Variants in TRHR observed in about 807,000 individuals in gnomAD.
The protein encoded by TRHR is thyrotropin-releasing hormone receptor.
Under a neutral mutation model 28.0 loss-of-function variants are expected in TRHR, and 14 were observed. The ratio of observed to expected loss-of-function variants is 0.50; its 90% CI spans 0.33 to 0.78. TRHR has a LOEUF of 0.78. Among genes scored for constraint, TRHR ranks in the 30% least tolerant of loss-of-function variants. The pLI, the probability that TRHR is intolerant of heterozygous loss-of-function variation, is 0.02. For missense variants in TRHR, 438 were observed against 469.5 expected, an observed-to-expected ratio of 0.93 and a Z score of 0.62; for synonymous variants, 176 against 171.9, an observed-to-expected ratio of 1.02 and a Z score of -0.18.
rs764391070 is a variant in TRHR, at chr8:109,087,504, C to G, written c.-9C>G. On this transcript the variant is annotated 5_prime_UTR_variant, in exon 2 of 3. Transcript: ENST00000518632. ...GTCAGTGTTTCCGAGAAACTTTAAG[C>G]TTCTAAAGATGGAAAACGAGACAGT... The G allele has an allele frequency of 6.2e-7, 1 of 1,614,112 alleles. No individual in the cohort carries two copies. Among genetic ancestry groups the G allele is most frequent in the Non-Finnish European group, 8.5e-7 (1 of 1,180,024 alleles).
chr8:109,116,162 A>G (rs1256074362), intron 2 of TRHR, among the ~76,000 whole-genome samples: 1 of 152,134 alleles, frequency 6.6e-6, no homozygotes, highest in Non-Finnish European at 1.5e-5. Context: ...CCACTTGATC[A>G]TGATGGATAA....
rs1586198036 is a variant in TRHR at position 109,119,099 on chromosome 8, C to T, written c.841C>T (p.Pro281Ser). 1 of 1,612,798 alleles carries T rather than the reference C, an allele frequency of 6.2e-7. No individual in the cohort carries two copies. ...AATTCTGTTTGCCCTTTTATGGATG[C>T]CCTACAGGACTCTAGTGGTTGTCAA... ...VVILFALLWM[P>S]YRTLVVVNSF... Residue 281 changes from proline (P) to serine (S), a missense_variant, in exon 3 of 3, where the codon CCC (proline) becomes TCC (serine). Coordinates refer to ENST00000518632, the MANE Select transcript of TRHR (RefSeq NM_003301.7).
At chr8:109,103,728 C>T (rs1811710609) in intron 2 of TRHR, among the ~76,000 whole-genome samples, 1 of 152,154 alleles carries the variant, frequency 6.6e-6, no homozygotes, top group Admixed American at 6.6e-5. Flanking sequence ...CTGATCATGG[C>T]TTTTAAGCTA....
rs1302823311 is a variant in TRHR, at chr8:109,121,516, G to A, written c.*2061G>A. 2.0e-5 allele frequency among the ~76,000 whole-genome samples: 3 copies of A among 151,632 alleles called. No homozygotes were observed. Among genetic ancestry groups the A allele is most frequent in the Non-Finnish European group, 4.4e-5 (3 of 67,794 alleles). On this transcript the variant is annotated 3_prime_UTR_variant, in exon 3 of 3. Coordinates refer to ENST00000518632, the MANE Select transcript of TRHR (RefSeq NM_003301.7). Reference sequence around the variant, plus strand: ...CTCTGATGATTAGACCAGTATTCCTGTGACCTAATTCCTAATTAATAAAAA... The same window carrying A: ...CTCTGATGATTAGACCAGTATTCCTATGACCTAATTCCTAATTAATAAAAA...
intron 2 of TRHR, among the ~76,000 whole-genome samples, chr8:109,111,430 T>C (rs934087960): frequency 6.6e-6 from 1 of 152,262 alleles, no homozygotes. Flanking sequence ...TCAGAAATAC[T>C]GGAGAACATG....
chr8:109,087,988 T>C lies in TRHR; in HGVS notation c.476T>C (p.Leu159Pro), dbSNP rs1328534000. The C allele has an allele frequency of 6.2e-7, 1 of 1,614,120 alleles. No homozygotes were observed. Among genetic ancestry groups the C allele is most frequent in the Non-Finnish European group, 8.5e-7 (1 of 1,180,040 alleles). ...GCTTTCACATCTCTTTACTGTATGCTCTGGTTCTTCTTGCTGGATCTCAAT... is the reference window on the plus strand; with the variant it reads ...GCTTTCACATCTCTTTACTGTATGCCCTGGTTCTTCTTGCTGGATCTCAAT... Reference protein sequence around the residue: ...VWAFTSLYCMLWFFLLDLNIS... With the variant: ...VWAFTSLYCMPWFFLLDLNIS... Residue 159 changes from leucine (L) to proline (P), a missense_variant, in exon 2 of 3, where the codon CTC becomes CCC. Leu to Pro is a moderately conservative substitution (Grantham distance 98). Coordinates refer to ENST00000518632, the MANE Select transcript of TRHR (RefSeq NM_003301.7).
intron 2 of TRHR, among the ~76,000 whole-genome samples, chr8:109,094,004 G>A (rs1811551958): frequency 6.6e-6 from 1 of 152,110 alleles, no homozygotes; most frequent in Admixed American, 6.6e-5. Context: ...ATGTTGGAAT[G>A]TCAGGCAGTA....
chr8:109,102,594 A>G (rs1586190023), intron 2 of TRHR, among the ~76,000 whole-genome samples: 1 of 152,238 alleles, frequency 6.6e-6, no homozygotes, highest in East Asian at 1.9e-4. Flanking sequence ...TTAAGTAATG[A>G]GGAAGAAAGT....
chr8:109,094,716 A>G (rs536392658), intron 2 of TRHR, among the ~76,000 whole-genome samples: 2 of 151,622 alleles, frequency 1.3e-5, no homozygotes, highest in East Asian at 3.9e-4. Context: ...CATGTTGCAA[A>G]TATAAAATTA....
intron 2 of TRHR, among the ~76,000 whole-genome samples, chr8:109,103,056 C>T (rs1285975329): frequency 2.0e-5 from 3 of 152,150 alleles, no homozygotes; most frequent in Non-Finnish European, 2.9e-5. Context: ...ATTGGATGCA[C>T]ATCCACAGGG....
intron 2 of TRHR, among the ~76,000 whole-genome samples, chr8:109,113,749 T>C: frequency 6.6e-6 from 1 of 152,106 alleles, no homozygotes; most frequent in Non-Finnish European, 1.5e-5. Flanking sequence ...TCTAATACTA[T>C]TCTAAAAACA....
At chr8:109,087,032 G>T (rs1811443932) in intron 1 of TRHR, 149 bp downstream of exon 1, 1 of 163,496 alleles carries the variant, frequency 6.1e-6, no homozygotes, top group Non-Finnish European at 1.3e-5. Flanking sequence ...CTTGATTATT[G>T]AGCTTCTTGG....
intron 2 of TRHR, among the ~76,000 whole-genome samples, chr8:109,116,807 T>C (rs1396339559): frequency 6.6e-6 from 1 of 151,910 alleles, no homozygotes; most frequent in Admixed American, 6.6e-5. Flanking sequence ...TCCCTGAGAG[T>C]AGGGAAATGA....
intron 2 of TRHR, among the ~76,000 whole-genome samples, chr8:109,092,875 C>G (rs1352154688): frequency 6.6e-6 from 1 of 151,970 alleles, no homozygotes; most frequent in Non-Finnish European, 1.5e-5. Context: ...TACCTCCTGA[C>G]CCCACCTCTC....
chr8:109,108,626 G>A (rs1811786032), intron 2 of TRHR, among the ~76,000 whole-genome samples: 1 of 152,156 alleles, frequency 6.6e-6, no homozygotes, highest in Non-Finnish European at 1.5e-5. Flanking sequence ...CACAGGCTTA[G>A]CTATTTACCA....
At chr8:109,113,828 A>G (rs1811875168) in intron 2 of TRHR, among the ~76,000 whole-genome samples, 2 of 152,166 alleles carry the variant, frequency 1.3e-5, no homozygotes, top group South Asian at 4.1e-4. Flanking sequence ...AGTAGTTACA[A>G]TAATAGTAGT....
chr8:109,118,574 C>T lies in TRHR; in HGVS notation c.790-474C>T, dbSNP rs576820252. Among the ~76,000 whole-genome samples the T allele has an allele frequency of 2.6e-5, 4 of 151,910 alleles. No individual in the cohort carries two copies. In the East Asian group the frequency reaches 7.8e-4, roughly 30 times the overall value. On this transcript the variant is annotated intron_variant, in intron 2 of 2. Coordinates refer to ENST00000518632, the MANE Select transcript of TRHR (RefSeq NM_003301.7). Reference sequence around the variant, plus strand: ...TCAGCCATAGCTGCAGTAGATGGTTCCTGCAGTGGGAAATATCCCACTTCA... The same window carrying T: ...TCAGCCATAGCTGCAGTAGATGGTTTCTGCAGTGGGAAATATCCCACTTCA...
chr8:109,121,324 A>G lies in TRHR; in HGVS notation c.*1869A>G, dbSNP rs991116977. 1.3e-5 allele frequency among the ~76,000 whole-genome samples: 2 copies of G among 151,646 alleles called. No homozygotes were observed. The highest frequency in any genetic ancestry group is 3.0e-5 in the Non-Finnish European group (2 of 67,786). On this transcript the variant is annotated 3_prime_UTR_variant, in exon 3 of 3. Coordinates refer to ENST00000518632, the MANE Select transcript of TRHR (RefSeq NM_003301.7). ...CACACAAGCACATGTGTGTTTATAA[A>G]CACATACCCACATGTTCATAAATTG...
chr8:109,120,846 A>T lies in TRHR; in HGVS notation c.*1391A>T, dbSNP rs1021478326. On this transcript the variant is annotated 3_prime_UTR_variant, in exon 3 of 3. Coordinates refer to ENST00000518632, the MANE Select transcript of TRHR (RefSeq NM_003301.7). ...AAATTGCCCTTGGTGATGGTTCAGT[A>T]GTCATTGATTTTTAATGAGTAGATC... is the stretch of plus-strand genomic sequence containing the variant. 2.6e-5 allele frequency among the ~76,000 whole-genome samples: 4 copies of T among 151,566 alleles called. No homozygotes were observed. The highest frequency in any genetic ancestry group is 9.7e-5 in the African/African-American group (4 of 41,340).
Sources: allele counts gnomAD v4.1 joint callset (sites outside exome capture counted in the v4.1 genomes callset), GRCh38; gene constraint gnomAD v4.1.1; transcripts MANE v1.5; gene names NCBI Gene and HGNC (gene_info 2026-07-23, HGNC 2026-07-21).